CSGALNACT1: variants seen among roughly 807,000 people sequenced by gnomAD.
CSGALNACT1 encodes the protein chondroitin sulfate N-acetylgalactosaminyltransferase 1.
In CSGALNACT1, 52 loss-of-function variants were observed where a neutral mutation model predicts 51.0. That is an observed-to-expected ratio of 1.02 (90% confidence interval 0.82 to 1.29). The LOEUF (loss-of-function observed/expected upper bound fraction) is 1.29, where lower values mean the gene tolerates loss of function less well. Among genes scored for constraint, CSGALNACT1 ranks in the 50% most tolerant of loss-of-function variants. CSGALNACT1 has a pLI of 0.00. For synonymous variants in CSGALNACT1, 341 were observed against 254.4 expected, an observed-to-expected ratio of 1.34 and a Z score of -3.24; for missense variants, 935 against 679.2, an observed-to-expected ratio of 1.38 and a Z score of -4.19.
chr8:19,756,091 C>T (rs888108191), intron 1 of CSGALNACT1, among the ~76,000 whole-genome samples: 11 of 152,128 alleles, frequency 7.2e-5, no homozygotes, highest in African/African-American at 2.7e-4. Flanking sequence ...GACCTTTCTC[C>T]CTCCAATTAG....
At chr8:19,408,323 T>G (rs900736269) in intron 9 of CSGALNACT1, among the ~76,000 whole-genome samples, 2 of 151,926 alleles carry the variant, frequency 1.3e-5, no homozygotes, top group African/African-American at 2.4e-5. Context: ...AGCATTTGAT[T>G]TTCTTTTTGG....
intron 2 of CSGALNACT1, 132 bp downstream of exon 2, chr8:19,601,639 G>T (rs1305007273): frequency 3.3e-6 from 1 of 303,264 alleles, no homozygotes; most frequent in African/African-American, 2.2e-5. Context: ...TCATTCTCTT[G>T]AAGTAATAAC....
intron 1 of CSGALNACT1, among the ~76,000 whole-genome samples, chr8:19,749,015 T>C (rs1319931180): frequency 6.6e-6 from 1 of 151,646 alleles, no homozygotes; most frequent in Non-Finnish European, 1.5e-5. Context: ...AGTTAAAAAG[T>C]GAGGTCGTTG....
intron 4 of CSGALNACT1, among the ~76,000 whole-genome samples, chr8:19,467,319 C>T (rs2066933236): frequency 6.6e-6 from 1 of 151,892 alleles, no homozygotes; most frequent in Non-Finnish European, 1.5e-5. Context: ...GACAGGGTTT[C>T]ACCATGTCTG....
At chr8:19,527,154 A>G (rs2081884995) in intron 3 of CSGALNACT1, among the ~76,000 whole-genome samples, 1 of 152,210 alleles carries the variant, frequency 6.6e-6, no homozygotes, top group Non-Finnish European at 1.5e-5. Flanking sequence ...TGAAAGGATA[A>G]ATCAATCAAC....
chr8:19,473,262 A>G (rs1214378043), intron 4 of CSGALNACT1, among the ~76,000 whole-genome samples: 1 of 152,180 alleles, frequency 6.6e-6, no homozygotes. Context: ...TTTTTTTGAT[A>G]TTGCTTGAAA....
At chr8:19,461,552 G>C (rs866327060) in intron 4 of CSGALNACT1, among the ~76,000 whole-genome samples, 1 of 139,310 alleles carries the variant, frequency 7.2e-6, no homozygotes, top group Non-Finnish European at 1.6e-5. Context: ...TCACCATGGG[G>C]GGCGTATCCG....
chr8:19,679,094 CA>C (rs1394323174), intron 1 of CSGALNACT1, among the ~76,000 whole-genome samples: 1 of 152,142 alleles, frequency 6.6e-6, no homozygotes, highest in Admixed American at 6.5e-5. Flanking sequence ...GAAAAACTTT[CA>C]TAATTATTCT....
chr8:19,500,613 C>G (rs1238201319), intron 4 of CSGALNACT1, among the ~76,000 whole-genome samples: 1 of 152,212 alleles, frequency 6.6e-6, no homozygotes, highest in Non-Finnish European at 1.5e-5. Flanking sequence ...TCCTTACAGG[C>G]TACTTAGTGA....
At chr8:19,696,903 C>G (rs2061613266) in intron 1 of CSGALNACT1, among the ~76,000 whole-genome samples, 1 of 152,076 alleles carries the variant, frequency 6.6e-6, no homozygotes, top group Admixed American at 6.5e-5. Flanking sequence ...GCCTCCCAGG[C>G]AGAAAACAGT....
intron 7 of CSGALNACT1, among the ~76,000 whole-genome samples, chr8:19,419,385 A>C (rs774284798): frequency 1.7e-4 from 26 of 152,234 alleles, no homozygotes; most frequent in Non-Finnish European, 3.5e-4. Context: ...GGCTCATGGG[A>C]TCATCTTAAA....
chr8:19,672,310 G>C (rs1458182432), intron 1 of CSGALNACT1, among the ~76,000 whole-genome samples: 7 of 152,108 alleles, frequency 4.6e-5, no homozygotes, highest in Admixed American at 4.6e-4. Flanking sequence ...CAGGAACAGA[G>C]AAGAACATGC....
At chr8:19,493,773 G>A (rs918314010) in intron 4 of CSGALNACT1, among the ~76,000 whole-genome samples, 2 of 151,770 alleles carry the variant, frequency 1.3e-5, no homozygotes, top group African/African-American at 4.8e-5. Flanking sequence ...TCCACTTTTT[G>A]GCTATTATGA....
At chr8:19,607,212 G>A (rs145947861), upstream of CSGALNACT1, among the ~76,000 whole-genome samples, 62 of 151,692 alleles carry the variant, frequency 4.1e-4, no homozygotes, top group East Asian at 8.2e-3. Context: ...GTGGTCTGGA[G>A]TTGAACTGTT....
Position 19,667,026 on chromosome 8 carries a change from AGGAAGGAAGGAAGG to A in CSGALNACT1, c.-544+15433_-544+15446del, listed in dbSNP as rs1327685764. ...AAGAAAGAAAGAAAGAAAGGAAGGA[AGGAAGGAAGGAAGG>A]AAGAAAGAAAGAAAGAAAGAAAGAA... On this transcript the variant is annotated intron_variant, in intron 1 of 9. Coordinates refer to the CSGALNACT1 transcript ENST00000332246. Among the ~76,000 whole-genome samples the A allele has an allele frequency of 7.0e-4, 27 of 38,474 alleles. 2 individuals are homozygous for A. The highest frequency in any genetic ancestry group is 3.4e-3 in the African/African-American group (18 of 5,338). 25.2% of individuals were successfully genotyped at this position (38,474 alleles called of 152,430 possible).
At chr8:19,463,218 C>A (rs1453157501) in intron 4 of CSGALNACT1, among the ~76,000 whole-genome samples, 2 of 152,110 alleles carry the variant, frequency 1.3e-5, no homozygotes, top group Admixed American at 6.5e-5. Flanking sequence ...TTATCCAGTC[C>A]ACTGCTGATG....
intron 4 of CSGALNACT1, among the ~76,000 whole-genome samples, chr8:19,474,208 G>T (rs896691021): frequency 1.3e-5 from 2 of 152,054 alleles, no homozygotes; most frequent in Admixed American, 6.6e-5. Context: ...CTCCATGGAA[G>T]TCTTCAAAAG....
At chr8:19,450,516 C>A (rs552216099) in intron 5 of CSGALNACT1, among the ~76,000 whole-genome samples, 1 of 152,162 alleles carries the variant, frequency 6.6e-6, no homozygotes, top group Non-Finnish European at 1.5e-5. Flanking sequence ...TCACGTGAAG[C>A]CTGTGAGGGT....
At chr8:19,417,551 A>G (rs974035053) in intron 8 of CSGALNACT1, among the ~76,000 whole-genome samples, 21 of 152,294 alleles carry the variant, frequency 1.4e-4, no homozygotes, top group African/African-American at 5.1e-4. Context: ...TTACTCTCCC[A>G]TTGTACGGAA....
Sources: gnomAD v4.1 joint callset for allele counts (sites outside exome capture counted in the v4.1 genomes callset) on GRCh38, gnomAD v4.1.1 for gene constraint, MANE v1.5 for transcripts, NCBI Gene and HGNC (gene_info 2026-07-23, HGNC 2026-07-21) for gene names.